GSPT1: variants seen among roughly 807,000 people sequenced by gnomAD.
GSPT1 encodes the protein eukaryotic peptide chain release factor GTP-binding subunit ERF3A.
Under a neutral mutation model 72.5 loss-of-function variants are expected in GSPT1, and 20 were observed. The ratio of observed to expected loss-of-function variants is 0.28; its 90% CI spans 0.19 to 0.40. The LOEUF (loss-of-function observed/expected upper bound fraction) is 0.40, where lower values mean the gene tolerates loss of function less well. GSPT1 is among the 10% of genes least tolerant of loss of function. The pLI, the probability that GSPT1 is intolerant of heterozygous loss-of-function variation, is 1.00. For missense variants in GSPT1, 580 were observed against 811.9 expected, an observed-to-expected ratio of 0.71 and a Z score of 3.47; for synonymous variants, 334 against 293.5, an observed-to-expected ratio of 1.14 and a Z score of -1.41.
At chr16:11,915,310 C>G in intron 1 of GSPT1, 59 bp downstream of exon 1, 1 of 1,408,394 alleles carries the variant, frequency 7.1e-7, no homozygotes, top group African/African-American at 1.5e-5. Context: ...GGACCGCACC[C>G]CTACGCCATG....
At chr16:11,904,437 T>C (rs565425314) in intron 1 of GSPT1, among the ~76,000 whole-genome samples, 5 of 152,174 alleles carry the variant, frequency 3.3e-5, no homozygotes, top group African/African-American at 7.2e-5. Context: ...CTCCTGACCT[T>C]GTGATCCGCC....
In GSPT1 at chr16:11,868,263, C is replaced by T. The variant is rs865936399; in HGVS notation, c.*4856G>A. On this transcript the variant is annotated 3_prime_UTR_variant, in exon 15 of 15. Coordinates refer to ENST00000434724, the MANE Select transcript of GSPT1 (RefSeq NM_002094.4). ...TCAGGCACAGTAGGTAGCTACAAAT[C>T]GTAAGAAAAAGCTTTCTTTCCTACC... The T allele has an allele frequency of 6.6e-6, 1 of 151,802 alleles. No homozygotes were observed. The highest frequency in any genetic ancestry group is 1.5e-5 in the Non-Finnish European group (1 of 67,994). 9.4% of individuals were successfully genotyped at this position (151,802 alleles called of 1,614,324 possible). A position where few individuals can be genotyped will look rare whatever the true frequency, so the allele number is the denominator to read the frequency against.
chr16:11,888,356 G>A (rs547479335), intron 6 of GSPT1, among the ~76,000 whole-genome samples: 12 of 151,774 alleles, frequency 7.9e-5, no homozygotes, highest in African/African-American at 2.9e-4. Context: ...CAGCTATTTC[G>A]AAAGCTGAGG....
At chr16:11,910,012 A>G (rs1044481633) in intron 1 of GSPT1, among the ~76,000 whole-genome samples, 7 of 152,156 alleles carry the variant, frequency 4.6e-5, no homozygotes, top group African/African-American at 1.4e-4. Context: ...GTGAAAGATC[A>G]CTTGAGCCCA....
intron 1 of GSPT1, among the ~76,000 whole-genome samples, chr16:11,911,852 G>GTTTTTTTTTTTTTTTTT (rs1248759113): frequency 1.7e-5 from 1 of 60,414 alleles, no homozygotes; most frequent in Non-Finnish European, 3.6e-5. Flanking sequence ...GCACCCAGCT[G>GTTTTTTTTTTTTTTTTT]TATTTTTTTT....
chr16:11,891,325 TAC>T (rs1189514935), intron 5 of GSPT1, among the ~76,000 whole-genome samples, 186 bp from the exon 6 acceptor site: 1 of 146,808 alleles, frequency 6.8e-6, no homozygotes, highest in Non-Finnish European at 1.5e-5. Context: ...TAAAATATAT[TAC>T]ACATTTTTAT....
At chr16:11,886,385 A>G in intron 9 of GSPT1, 86 bp downstream of exon 9, 1 of 809,600 alleles carries the variant, frequency 1.2e-6, no homozygotes, top group Non-Finnish European at 2.0e-6. Flanking sequence ...GCATATGTTA[A>G]CATGTTACTC....
At chr16:11,885,463 C>T (rs2054176097) in intron 9 of GSPT1, among the ~76,000 whole-genome samples, 189 bp from the exon 10 acceptor site, 1 of 152,178 alleles carries the variant, frequency 6.6e-6, no homozygotes, top group Non-Finnish European at 1.5e-5. Context: ...CAGTATAAGG[C>T]TTCCTCATAA....
At chr16:11,915,221 C>A in intron 1 of GSPT1, 148 bp downstream of exon 1, 1 of 1,129,000 alleles carries the variant, frequency 8.9e-7, no homozygotes, top group Non-Finnish European at 1.1e-6. Flanking sequence ...GGCTCCCGGG[C>A]TCGGGGCGCC....
At position 11,869,911 on chromosome 16, in the gene GSPT1, C is replaced by G. The variant is rs527382126; in HGVS notation, c.*3208G>C. 8 of 152,236 alleles carry G rather than the reference C, an allele frequency of 5.3e-5. No homozygotes were observed. The highest frequency in any genetic ancestry group is 1.9e-4 in the African/African-American group (8 of 41,542). 9.4% of individuals were successfully genotyped at this position (152,236 alleles called of 1,614,324 possible). A position where few individuals can be genotyped will look rare whatever the true frequency, so the allele number is the denominator to read the frequency against. The stretch of plus-strand genomic sequence containing the variant: ...AAACTGCATCTGGCTGCAAGTCTAA[C>G]CCAAAATATTCGCAGCGTATCAGCT... On this transcript the variant is annotated 3_prime_UTR_variant, in exon 15 of 15. Coordinates refer to ENST00000434724, the MANE Select transcript of GSPT1 (RefSeq NM_002094.4).
intron 11 of GSPT1, among the ~76,000 whole-genome samples, chr16:11,879,559 C>G (rs1254335825): frequency 6.6e-6 from 1 of 151,920 alleles, no homozygotes; most frequent in African/African-American, 2.4e-5. Flanking sequence ...ACGGTGAAAT[C>G]CTGTCTCCAT....
At chr16:11,909,897 G>C (rs1231853954) in intron 1 of GSPT1, among the ~76,000 whole-genome samples, 1 of 152,020 alleles carries the variant, frequency 6.6e-6, no homozygotes, top group African/African-American at 2.4e-5. Flanking sequence ...CTGCACTCCA[G>C]CCTGTGACAG....
At position 11,877,027 on chromosome 16, in the gene GSPT1, A is replaced by G. The variant is rs528558942; in HGVS notation, c.1602+380T>C. 6.6e-6 allele frequency among the ~76,000 whole-genome samples: 1 copy of G among 152,240 alleles called. No individual in the cohort carries two copies. The highest frequency in any genetic ancestry group is 6.5e-5 in the Admixed American group (1 of 15,282). The stretch of plus-strand genomic sequence containing the variant: ...TTCTCCCAGGGAGGTTAGATTGTTA[A>G]TAACAGGGAAACCTGTGTGATTTCT... On this transcript the variant is annotated intron_variant, in intron 12 of 14. Transcript: ENST00000434724. This position sits in a 1 kb window ranked among gnomAD's most constrained non-coding sequence, Gnocchi z 4.0.
rs765789913 is a variant in GSPT1, at chr16:11,885,258, G to A, written c.1270C>T (p.Pro424Ser). 3 of 1,556,198 alleles carry A rather than the reference G, an allele frequency of 1.9e-6. No individual in the cohort carries two copies. The African/African-American group carries it at 4.1e-5, about 21-fold the overall frequency. Reference sequence around the variant, plus strand: ...AAGTTCGGCAAATTATCCAGATATGGAATAAACGGTAATCCACTGAGAACA... The same window carrying A: ...AAGTTCGGCAAATTATCCAGATATGAAATAAACGGTAATCCACTGAGAACA... ...CPWYIGLPFI[P>S]YLDNLPNFNR... Residue 424 changes from proline to serine, a missense_variant, in exon 10 of 15, where the codon CCA becomes TCA. By Grantham distance (74) the Pro-to-Ser change is moderately conservative. This residue lies in a region of GSPT1 where 45 missense variants were observed against 43.0 expected (regional missense o/e 1.05). Coordinates refer to ENST00000434724, the MANE Select transcript of GSPT1 (RefSeq NM_002094.4).
intron 6 of GSPT1, among the ~76,000 whole-genome samples, chr16:11,888,302 C>T (rs2054209740): frequency 6.6e-6 from 1 of 151,642 alleles, no homozygotes; most frequent in African/African-American, 2.4e-5. Flanking sequence ...CTCATCTCTA[C>T]TAAAAATACA....
intron 14 of GSPT1, among the ~76,000 whole-genome samples, chr16:11,874,617 A>G (rs562189193): frequency 8.9e-4 from 136 of 152,054 alleles, no homozygotes; most frequent in Non-Finnish European, 1.4e-3. Context: ...TGTTATATTA[A>G]TAAGATAAAC....
chr16:11,883,710 C>T (rs1029464361), intron 10 of GSPT1, among the ~76,000 whole-genome samples: 2 of 151,518 alleles, frequency 1.3e-5, no homozygotes, highest in African/African-American at 4.8e-5. Context: ...ATCAGGAAAT[C>T]GAGCCCATCC....
intron 1 of GSPT1, chr16:11,915,117 C>G: frequency 8.8e-7 from 1 of 1,130,914 alleles, no homozygotes; most frequent in Admixed American, 3.6e-5. Context: ...AGGGCAGGGG[C>G]GCGGAGGGGC....
chr16:11,906,695 T>C lies in GSPT1; in HGVS notation c.353-8660A>G, dbSNP rs117485413. Among the ~76,000 whole-genome samples, 441 of 152,294 alleles carry C rather than the reference T, an allele frequency of 2.9e-3. 4 individuals are homozygous for C. Among genetic ancestry groups the C allele is most frequent in the Non-Finnish European group, 5.1e-3 (349 of 68,020 alleles). ...CTATGTGGTTCATACTATATTCCCA[T>C]TGGATTATGCCAGGGTGGTAACGAT... On this transcript the variant is annotated intron_variant, in intron 1 of 14. Transcript: ENST00000434724.
Sources: allele counts gnomAD v4.1 joint callset (sites outside exome capture counted in the v4.1 genomes callset), GRCh38; gene constraint gnomAD v4.1.1; regional missense constraint gnomAD v4.1.1; non-coding constraint Gnocchi (gnomAD v3.1); transcripts MANE v1.5; gene names NCBI Gene and HGNC (gene_info 2026-07-23, HGNC 2026-07-21).